FAM184A: variants seen among roughly 807,000 people sequenced by gnomAD.
FAM184A encodes family with sequence similarity 184 member A.
FAM184A carries 99 observed loss-of-function variants against 143.8 expected under a neutral mutation model. The ratio of observed to expected loss-of-function variants is 0.69; its 90% CI spans 0.58 to 0.81. FAM184A has a LOEUF of 0.81. Ranked by LOEUF, FAM184A falls within the 40% of genes least tolerant of loss-of-function variation. The pLI, the probability that FAM184A is intolerant of heterozygous loss-of-function variation, is 0.00. For missense variants in FAM184A, 1,217 were observed against 1,310.5 expected (o/e 0.93, Z 1.10); for synonymous variants, 427 against 446.4 (o/e 0.96, Z 0.55).
chr6:118,967,878 T>C (rs1050233754), intron 14 of FAM184A, among the ~76,000 whole-genome samples: 9 of 152,364 alleles, frequency 5.9e-5, no homozygotes, highest in African/African-American at 2.2e-4. Context: ...TCATGAATAC[T>C]GAGTAACTTG....
intron 16 of FAM184A, chr6:118,962,217 C>A: frequency 1.1e-5 from 5 of 467,220 alleles, no homozygotes; most frequent in African/African-American, 2.0e-5. Flanking sequence ...GAGTCATTCA[C>A]GAGGAATGAG....
At chr6:118,996,258 G>A (rs953978627) in intron 9 of FAM184A, among the ~76,000 whole-genome samples, 4 of 152,182 alleles carry the variant, frequency 2.6e-5, no homozygotes, top group Admixed American at 6.5e-5. Flanking sequence ...AGGATATAAT[G>A]TAGCCAAAGT....
At chr6:119,102,803 A>AAAAAAAG (rs1562151169) in intron 1 of FAM184A, among the ~76,000 whole-genome samples, 2 of 142,668 alleles carry the variant, frequency 1.4e-5, no homozygotes, top group East Asian at 2.3e-4. Flanking sequence ...AAAAAAAAAA[A>AAAAAAAG]AAAAGAAAAG....
At chr6:119,060,466 G>T (rs1448894573) in intron 1 of FAM184A, among the ~76,000 whole-genome samples, 1 of 152,202 alleles carries the variant, frequency 6.6e-6, no homozygotes, top group African/African-American at 2.4e-5. Flanking sequence ...CAGACATGAT[G>T]AACAGGGAGA....
intron 1 of FAM184A, among the ~76,000 whole-genome samples, chr6:119,107,637 G>T (rs1039586198): frequency 6.6e-6 from 1 of 152,124 alleles, no homozygotes; most frequent in African/African-American, 2.4e-5. Flanking sequence ...AATTAGCTGG[G>T]CATGGTGGCA....
intron 1 of FAM184A, among the ~76,000 whole-genome samples, chr6:119,051,823 T>G (rs986081475): frequency 1.3e-5 from 2 of 152,184 alleles, no homozygotes; most frequent in African/African-American, 2.4e-5. Context: ...ACTTGGAAAT[T>G]AATAAAAGTT....
At chr6:118,993,034 A>G (rs2114615790) in intron 9 of FAM184A, among the ~76,000 whole-genome samples, 1 of 152,360 alleles carries the variant, frequency 6.6e-6, no homozygotes, top group East Asian at 1.9e-4. Flanking sequence ...GTCTGCTTAA[A>G]TAAATACTGG....
chr6:118,966,242 G>A (rs538087373), intron 15 of FAM184A, among the ~76,000 whole-genome samples: 4 of 152,258 alleles, frequency 2.6e-5, no homozygotes, highest in South Asian at 2.1e-4. Flanking sequence ...TGTTAAATCC[G>A]TATTTTCTTA....
rs180808772 is a variant in FAM184A at position 119,131,208 on chromosome 6, G to A, written c.-202+17870C>T. On this transcript the variant is annotated intron_variant, in intron 1 of 16. Coordinates refer to the FAM184A transcript ENST00000352896. ...GAATTTCCTAAATCAAAGGTGGAAGGAAATGGCCCTTTACTTCCTCCATCT... is the reference window on the plus strand; with the variant it reads ...GAATTTCCTAAATCAAAGGTGGAAGAAAATGGCCCTTTACTTCCTCCATCT... Among the ~76,000 whole-genome samples the A allele has an allele frequency of 5.9e-5, 9 of 152,198 alleles. No homozygotes were observed. The East Asian group carries it at 1.7e-3, about 29-fold the overall frequency.
At chr6:119,102,782 C>T (rs1239006709) in intron 1 of FAM184A, among the ~76,000 whole-genome samples, 2 of 16,240 alleles carry the variant, frequency 1.2e-4, no homozygotes, top group African/African-American at 5.3e-4. Context: ...GAGACTCCAT[C>T]TCAAAAAAAA....
rs369520305 is a variant in FAM184A, at chr6:119,097,817, C to T, written c.-202+51261G>A. Among the ~76,000 whole-genome samples, 2 of 152,112 alleles carry T rather than the reference C, an allele frequency of 1.3e-5. 1 individual carries two copies. The highest frequency in any genetic ancestry group is 2.9e-5 in the Non-Finnish European group (2 of 68,034). ...CCTTTCACCTGCTCCTTTTTCTCCT[C>T]GAGGCAGGCCATAGAAACTAAAAAT... On this transcript the variant is annotated intron_variant, in intron 1 of 16. Transcript: ENST00000352896.
intron 17 of FAM184A, chr6:118,960,706 A>G (rs973324155): frequency 4.2e-5 from 34 of 818,764 alleles, no homozygotes; most frequent in South Asian, 2.3e-4. Context: ...TATATAGTTT[A>G]TACTTTTCTT....
intron 1 of FAM184A, among the ~76,000 whole-genome samples, chr6:119,129,368 G>A (rs1437518020): frequency 6.6e-6 from 1 of 152,134 alleles, no homozygotes; most frequent in Non-Finnish European, 1.5e-5. Flanking sequence ...TAACCTGGGC[G>A]CCTTACAGCA....
chr6:119,044,542 C>T (rs114420230), intron 1 of FAM184A, among the ~76,000 whole-genome samples: 48 of 151,214 alleles, frequency 3.2e-4, no homozygotes, highest in African/African-American at 1.2e-3. Flanking sequence ...ATGATCTTGT[C>T]ACTGCATTTC....
chr6:118,982,813 G>A (rs927080910), intron 9 of FAM184A, among the ~76,000 whole-genome samples: 1 of 152,150 alleles, frequency 6.6e-6, no homozygotes, highest in African/African-American at 2.4e-5. Flanking sequence ...TGAATGACTG[G>A]AAGTACCACA....
chr6:119,105,198 C>A (rs763097368), intron 1 of FAM184A, among the ~76,000 whole-genome samples: 4 of 152,110 alleles, frequency 2.6e-5, no homozygotes, highest in Non-Finnish European at 5.9e-5. Flanking sequence ...AAAATGTTAA[C>A]AACAGGGGAA....
At chr6:119,038,207 T>C (rs542227363) in intron 1 of FAM184A, among the ~76,000 whole-genome samples, 1 of 151,836 alleles carries the variant, frequency 6.6e-6, no homozygotes, top group South Asian at 2.1e-4. Flanking sequence ...GTAAAAAAAA[T>C]AAACAAACAA....
chr6:119,096,814 CCCCCACT>C lies in FAM184A; in HGVS notation c.-202+52257_-202+52263del, dbSNP rs1457710921. Among the ~76,000 whole-genome samples, 12 of 152,260 alleles carry C rather than the reference CCCCCACT, an allele frequency of 7.9e-5. No homozygotes were observed. In the East Asian group the frequency reaches 2.1e-3, roughly 27 times the overall value. On this transcript the variant is annotated intron_variant, in intron 1 of 16. Coordinates refer to the FAM184A transcript ENST00000352896. The stretch of plus-strand genomic sequence containing the variant: ...CCTCCTGACACCAATTACTTCCCCA[CCCCCACT>C]CCTCCCGACTTGCTTCTCTCAGGTC...
intron 1 of FAM184A, among the ~76,000 whole-genome samples, chr6:119,119,674 T>C (rs1253047254): frequency 1.3e-5 from 2 of 152,082 alleles, no homozygotes; most frequent in African/African-American, 4.8e-5. Context: ...TTAAAAAAAG[T>C]AATAGCTATA....
Sources: allele counts gnomAD v4.1 joint callset (sites outside exome capture counted in the v4.1 genomes callset), GRCh38; gene constraint gnomAD v4.1.1; transcripts MANE v1.5; gene names NCBI Gene and HGNC (gene_info 2026-07-23, HGNC 2026-07-21).